Variants in RBFOX1 observed in about 807,000 individuals in gnomAD.
RBFOX1 encodes RNA binding fox-1 homolog 1.
In RBFOX1, 8 loss-of-function variants were observed where a neutral mutation model predicts 57.7. The ratio of observed to expected loss-of-function variants is 0.14; its 90% CI spans 0.08 to 0.25. RBFOX1 has a LOEUF of 0.25. Ranked by LOEUF, RBFOX1 falls within the 10% of genes least tolerant of loss-of-function variation. The probability of loss-of-function intolerance (pLI) is 1.00; values close to 1 mark genes in which losing one functional copy is unlikely to be tolerated. For synonymous variants in RBFOX1, 326 were observed against 222.4 expected (o/e 1.47, Z -4.15); for missense variants, 611 against 548.5 (o/e 1.11, Z -1.14).
chr16:6,655,297 C>T (rs2098640142), intron 3 of RBFOX1, among the ~76,000 whole-genome samples: 1 of 137,800 alleles, frequency 7.3e-6, no homozygotes. Flanking sequence ...TCACTTGATC[C>T]TTGGAGGTGG....
intron 3 of RBFOX1, among the ~76,000 whole-genome samples, chr16:6,714,147 G>A (rs945536430): frequency 3.3e-5 from 5 of 152,114 alleles, no homozygotes; most frequent in Non-Finnish European, 5.9e-5. Context: ...GCACTCTCAC[G>A]CTCTCTCTCT....
chr16:6,355,692 T>C (rs761720986), intron 2 of RBFOX1, among the ~76,000 whole-genome samples: 1 of 152,232 alleles, frequency 6.6e-6, no homozygotes, highest in African/African-American at 2.4e-5. Context: ...TAGTTCTAGA[T>C]ACTTGAGGAA....
intron 4 of RBFOX1, among the ~76,000 whole-genome samples, chr16:7,294,269 A>G (rs542291618): frequency 1.6e-4 from 24 of 152,180 alleles, no homozygotes; most frequent in African/African-American, 5.8e-4. Flanking sequence ...AGTCCTGTGC[A>G]CTGGAAACAG....
chr16:6,509,077 A>G (rs2096189216), intron 2 of RBFOX1, among the ~76,000 whole-genome samples: 1 of 152,166 alleles, frequency 6.6e-6, no homozygotes, highest in Admixed American at 6.5e-5. Flanking sequence ...TGATCTTGAG[A>G]AAAGACTGAT....
At chr16:7,145,019 A>G (rs538528676) in intron 4 of RBFOX1, among the ~76,000 whole-genome samples, 1 of 152,100 alleles carries the variant, frequency 6.6e-6, no homozygotes, top group Non-Finnish European at 1.5e-5. Flanking sequence ...TTTTTTAAAA[A>G]GGTTTTGTTC....
intron 2 of RBFOX1, among the ~76,000 whole-genome samples, chr16:6,329,654 A>T (rs912073689): frequency 6.6e-6 from 1 of 152,210 alleles, no homozygotes; most frequent in African/African-American, 2.4e-5. Flanking sequence ...GATGAAGGCC[A>T]GGCATGGTGG....
intron 2 of RBFOX1, among the ~76,000 whole-genome samples, chr16:6,567,714 A>G (rs968495097): frequency 1.3e-5 from 2 of 152,148 alleles, no homozygotes; most frequent in African/African-American, 4.8e-5. Flanking sequence ...CTATTTACAT[A>G]CTGTGCTTTT....
At chr16:6,522,907 A>T (rs981377282) in intron 2 of RBFOX1, among the ~76,000 whole-genome samples, 2 of 151,982 alleles carry the variant, frequency 1.3e-5, no homozygotes, top group Non-Finnish European at 2.9e-5. Flanking sequence ...ACCTAAGTTC[A>T]TTTTGGACTC....
At chr16:7,075,347 G>A (rs888935968) in intron 4 of RBFOX1, among the ~76,000 whole-genome samples, 2 of 152,226 alleles carry the variant, frequency 1.3e-5, no homozygotes, top group Non-Finnish European at 2.9e-5. Context: ...AGAACTCTAG[G>A]AGAAGAGTTG....
intron 14 of RBFOX1, among the ~76,000 whole-genome samples, chr16:7,689,781 G>A (rs944764845): frequency 6.6e-6 from 1 of 152,036 alleles, no homozygotes; most frequent in East Asian, 1.9e-4. Context: ...CCATTAAGAG[G>A]AACAGGTAAG....
intron 4 of RBFOX1, among the ~76,000 whole-genome samples, chr16:7,426,395 G>A (rs932729453): frequency 6.6e-6 from 1 of 152,132 alleles, no homozygotes; most frequent in Non-Finnish European, 1.5e-5. Flanking sequence ...ACAGGCTGCC[G>A]AATTGGGCCT....
intron 4 of RBFOX1, among the ~76,000 whole-genome samples, chr16:7,181,428 G>C (rs1018668782): frequency 2.0e-5 from 3 of 151,938 alleles, no homozygotes; most frequent in Non-Finnish European, 4.4e-5. Flanking sequence ...AGATTTTTAG[G>C]GTGCTTTTAC....
intron 3 of RBFOX1, among the ~76,000 whole-genome samples, chr16:5,761,589 A>G (rs909542929): frequency 2.6e-5 from 4 of 152,132 alleles, no homozygotes; most frequent in Non-Finnish European, 4.4e-5. Flanking sequence ...ACTCCCCTTT[A>G]TAAAACCATC....
At chr16:6,693,012 C>T (rs1298381875) in intron 3 of RBFOX1, among the ~76,000 whole-genome samples, 2 of 152,140 alleles carry the variant, frequency 1.3e-5, no homozygotes, top group South Asian at 2.1e-4. Flanking sequence ...CCATCACAAC[C>T]ATCATCATCA....
At chr16:7,594,270 G>C (rs377384617) in intron 7 of RBFOX1, among the ~76,000 whole-genome samples, 1 of 152,082 alleles carries the variant, frequency 6.6e-6, no homozygotes, top group Admixed American at 6.6e-5. Flanking sequence ...CCATGTATTT[G>C]TAATTATTGT....
At chr16:5,590,104 T>A (rs2046959391) in intron 2 of RBFOX1, among the ~76,000 whole-genome samples, 1 of 152,184 alleles carries the variant, frequency 6.6e-6, no homozygotes, top group Non-Finnish European at 1.5e-5. Flanking sequence ...TTATTTGGGC[T>A]AAATTGACCT....
chr16:7,041,128 G>C (rs1226699717), intron 3 of RBFOX1, among the ~76,000 whole-genome samples: 1 of 143,052 alleles, frequency 7.0e-6, no homozygotes, highest in African/African-American at 2.6e-5. Context: ...TAAATACGGG[G>C]TTTCACCATG....
intron 4 of RBFOX1, among the ~76,000 whole-genome samples, chr16:7,406,011 CAG>C (rs2098334155): frequency 6.6e-6 from 1 of 152,168 alleles, no homozygotes; most frequent in African/African-American, 2.4e-5. Flanking sequence ...CTGCAACACA[CAG>C]AGCATATCCC....
chr16:6,247,872 C>T (rs1273950269), intron 1 of RBFOX1, among the ~76,000 whole-genome samples: 1 of 152,164 alleles, frequency 6.6e-6, no homozygotes, highest in Admixed American at 6.6e-5. Flanking sequence ...AAAGCAGTGG[C>T]CACATTGTCA....
Sources: allele counts gnomAD v4.1 joint callset (sites outside exome capture counted in the v4.1 genomes callset), GRCh38; gene constraint gnomAD v4.1.1; transcripts MANE v1.5; gene names NCBI Gene and HGNC (gene_info 2026-07-23, HGNC 2026-07-21).